The following GPR158 variants were observed in gnomAD, a reference collection of about 807,000 sequenced individuals.
GPR158 encodes G protein-coupled receptor 158, also known as metabotropic glycine receptor.
In GPR158, 30 loss-of-function variants were observed where a neutral mutation model predicts 78.2. That is an observed-to-expected ratio of 0.38 (90% CI 0.29 to 0.52). The LOEUF (loss-of-function observed/expected upper bound fraction) is 0.52, where lower values mean the gene tolerates loss of function less well. GPR158 is among the 20% of genes least tolerant of loss of function. GPR158 has a pLI of 0.83. For synonymous variants in GPR158, 581 were observed against 591.1 expected (o/e 0.98, Z 0.25); for missense variants, 1,463 against 1,523.5 (o/e 0.96, Z 0.66).
chr10:25,285,185 AGC>A (rs1854333134), intron 2 of GPR158, among the ~76,000 whole-genome samples: 1 of 152,160 alleles, frequency 6.6e-6, no homozygotes, highest in East Asian at 1.9e-4. Context: ...GTATTGTATT[AGC>A]CAGAGTTTTC....
chr10:25,504,557 C>G (rs891915362), intron 5 of GPR158, among the ~76,000 whole-genome samples: 2 of 152,122 alleles, frequency 1.3e-5, no homozygotes, highest in Admixed American at 1.3e-4. Context: ...CAGTCAGGAC[C>G]AACAAAGGCA....
At chr10:25,315,751 T>A (rs1854838654) in intron 2 of GPR158, among the ~76,000 whole-genome samples, 1 of 151,826 alleles carries the variant, frequency 6.6e-6, no homozygotes. Flanking sequence ...TAGGAAGGCT[T>A]AATTTTTGTT....
At chr10:25,178,099 G>A (rs1852564938) in intron 1 of GPR158, among the ~76,000 whole-genome samples, 1 of 152,126 alleles carries the variant, frequency 6.6e-6, no homozygotes, top group Admixed American at 6.5e-5. Context: ...CAGGCTCTGT[G>A]CTAACTGCTT....
chr10:25,396,715 TAA>T lies in GPR158; in HGVS notation c.1111+704_1111+705del, dbSNP rs1834367233. Among the ~76,000 whole-genome samples, 3 of 152,192 alleles carry T rather than the reference TAA, an allele frequency of 2.0e-5. No individual in the cohort carries two copies. In the East Asian group the frequency reaches 5.8e-4, roughly 29 times the overall value. On this transcript the variant is annotated intron_variant, in intron 3 of 10. Transcript: ENST00000376351. ...TGTTATTTGCATTATCTGACCTCTA[TAA>T]ACAATCATGACCAGAGCCATGTCTT...
intron 4 of GPR158, among the ~76,000 whole-genome samples, chr10:25,430,666 A>G (rs1050482591): frequency 2.0e-5 from 3 of 148,560 alleles, no homozygotes; most frequent in African/African-American, 7.5e-5. Flanking sequence ...AAACAGAGAT[A>G]TAGATCAATG....
intron 2 of GPR158, among the ~76,000 whole-genome samples, chr10:25,364,529 TA>T (rs1488141933): frequency 6.6e-6 from 1 of 151,906 alleles, no homozygotes; most frequent in Non-Finnish European, 1.5e-5. Flanking sequence ...TGAGGGTACT[TA>T]AACATTTTTG....
At chr10:25,434,121 A>C (rs1834963313) in intron 4 of GPR158, among the ~76,000 whole-genome samples, 1 of 152,108 alleles carries the variant, frequency 6.6e-6, no homozygotes, top group East Asian at 1.9e-4. Flanking sequence ...GAGATGCGCC[A>C]CTGCACTCCA....
intron 4 of GPR158, among the ~76,000 whole-genome samples, chr10:25,465,861 A>G (rs776014088): frequency 1.3e-5 from 2 of 152,292 alleles, no homozygotes; most frequent in Non-Finnish European, 2.9e-5. Context: ...TCGTGGATTG[A>G]AAGTGAGGGA....
At chr10:25,448,792 T>C (rs1835175229) in intron 4 of GPR158, among the ~76,000 whole-genome samples, 1 of 152,214 alleles carries the variant, frequency 6.6e-6, no homozygotes, top group Non-Finnish European at 1.5e-5. Context: ...TCAATCTTTT[T>C]AATTTTAACA....
chr10:25,343,184 C>A (rs1855328550), intron 2 of GPR158, among the ~76,000 whole-genome samples: 1 of 151,890 alleles, frequency 6.6e-6, no homozygotes, highest in Admixed American at 6.6e-5. Flanking sequence ...TAAGCAATTG[C>A]TAAATGTCTA....
intron 5 of GPR158, among the ~76,000 whole-genome samples, chr10:25,478,752 G>A (rs1257994764): frequency 6.6e-6 from 1 of 151,336 alleles, no homozygotes; most frequent in African/African-American, 2.4e-5. Flanking sequence ...CCATTAACTC[G>A]TCATTTACAT....
chr10:25,497,811 G>T (rs1039640934), intron 5 of GPR158, among the ~76,000 whole-genome samples: 2 of 152,146 alleles, frequency 1.3e-5, no homozygotes, highest in African/African-American at 2.4e-5. Context: ...ACAAAGAAGA[G>T]TACCCTTCTA....
At chr10:25,329,125 T>C (rs1855081280) in intron 2 of GPR158, among the ~76,000 whole-genome samples, 1 of 151,984 alleles carries the variant, frequency 6.6e-6, no homozygotes, top group Admixed American at 6.6e-5. Context: ...TGCTCTGTTG[T>C]AGATAATATG....
chr10:25,515,347 T>C (rs958366449), intron 5 of GPR158, among the ~76,000 whole-genome samples: 1 of 152,102 alleles, frequency 6.6e-6, no homozygotes, highest in Non-Finnish European at 1.5e-5. Context: ...GAAATTGTGA[T>C]TGTTTTTAAT....
At position 25,420,361 on chromosome 10, in the gene GPR158, G is replaced by A. The variant is rs1053084913; in HGVS notation, c.1335+7888G>A. On this transcript the variant is annotated intron_variant, in intron 4 of 10. Transcript: ENST00000376351. ...AGAGATGGAGTCTTGCTATGTTGCC[G>A]AGACTGGCCTCGAACTCCTGTCCTC... Among the ~76,000 whole-genome samples, 9 of 151,944 alleles carry A rather than the reference G, an allele frequency of 5.9e-5. No homozygotes were observed. In the South Asian group the frequency reaches 8.3e-4, roughly 14 times the overall value.
chr10:25,273,605 A>G (rs1854145681), intron 2 of GPR158, among the ~76,000 whole-genome samples: 1 of 152,116 alleles, frequency 6.6e-6, no homozygotes, highest in South Asian at 2.1e-4. Context: ...CTTAGGGAGA[A>G]AGCCTTTGTT....
chr10:25,443,795 T>C (rs1479154439), intron 4 of GPR158, among the ~76,000 whole-genome samples: 3 of 151,930 alleles, frequency 2.0e-5, no homozygotes, highest in African/African-American at 7.2e-5. Flanking sequence ...TGGTGTACTT[T>C]TCTCCCTCTG....
chr10:25,401,811 G>T lies in GPR158; in HGVS notation c.1111+5798G>T, dbSNP rs543805890. ...TTTTCTTTGCATGGTAGAATTATTT[G>T]TAATTTTTGTTTTCTTTTTGCTTCC... On this transcript the variant is annotated intron_variant, in intron 3 of 10. Transcript: ENST00000376351. Among the ~76,000 whole-genome samples the T allele has an allele frequency of 1.2e-4, 19 of 152,098 alleles. No individual in the cohort carries two copies. In the South Asian group the frequency reaches 3.9e-3, roughly 32 times the overall value.
intron 1 of GPR158, among the ~76,000 whole-genome samples, chr10:25,183,032 A>G (rs1424792494): frequency 6.6e-6 from 1 of 152,320 alleles, no homozygotes; most frequent in South Asian, 2.1e-4. Context: ...GCAATGTCAT[A>G]CGCATCAGTG....
Sources: allele counts gnomAD v4.1 joint callset (sites outside exome capture counted in the v4.1 genomes callset), GRCh38; gene constraint gnomAD v4.1.1; transcripts MANE v1.5; gene names NCBI Gene and HGNC (gene_info 2026-07-23, HGNC 2026-07-21).